The following GLIPR1L1 variants were observed in gnomAD, a reference collection of about 807,000 sequenced individuals.
GLIPR1L1 encodes the protein GLIPR1-like protein 1.
A neutral mutation model predicts 29.9 loss-of-function variants in GLIPR1L1; 26 were observed. The observed-to-expected ratio is 0.87, with a 90% CI of 0.64 to 1.21. GLIPR1L1 has a LOEUF of 1.21. Ranked by LOEUF, GLIPR1L1 falls within the 50% of genes most tolerant of loss-of-function variation. The pLI is 0.00. For synonymous variants in GLIPR1L1, 77 were observed against 97.5 expected (o/e 0.79, Z 1.24); for missense variants, 305 against 290.3 (o/e 1.05, Z -0.37).
At chr12:75,351,082 TGGAA>T (rs2042777642) in intron 3 of GLIPR1L1, among the ~76,000 whole-genome samples, 1 of 151,792 alleles carries the variant, frequency 6.6e-6, no homozygotes, top group Admixed American at 6.6e-5. Context: ...ACAGACCAAG[TGGAA>T]GAAAGGATAT....
At chr12:75,348,299 C>A (rs908439559) in intron 3 of GLIPR1L1, among the ~76,000 whole-genome samples, 2 of 151,840 alleles carry the variant, frequency 1.3e-5, no homozygotes, top group African/African-American at 4.8e-5. Context: ...TAAAAATAAG[C>A]AGTAGAAAAG....
intron 2 of GLIPR1L1, among the ~76,000 whole-genome samples, chr12:75,344,869 A>G (rs771758775): frequency 6.6e-6 from 1 of 152,112 alleles, no homozygotes; most frequent in Non-Finnish European, 1.5e-5. Flanking sequence ...ATCTCTCACT[A>G]CAGAGGCAAG....
At chr12:75,350,223 G>A (rs903189634) in intron 3 of GLIPR1L1, among the ~76,000 whole-genome samples, 1 of 152,224 alleles carries the variant, frequency 6.6e-6, no homozygotes, top group Non-Finnish European at 1.5e-5. Context: ...AGGGGTTTAT[G>A]GACAGATCTC....
At chr12:75,356,463 G>C (rs2043163422) in intron 3 of GLIPR1L1, among the ~76,000 whole-genome samples, 1 of 152,142 alleles carries the variant, frequency 6.6e-6, no homozygotes, top group Non-Finnish European at 1.5e-5. Flanking sequence ...CATGTGAAGT[G>C]CGATAATCTA....
chr12:75,367,106 T>C (rs987237122), intron 4 of GLIPR1L1: 18 of 689,510 alleles, frequency 2.6e-5, no homozygotes, highest in African/African-American at 1.2e-4. Context: ...GGAGAAAACG[T>C]AATGGAGAAG....
intron 3 of GLIPR1L1, among the ~76,000 whole-genome samples, chr12:75,359,052 T>C (rs2043365736): frequency 6.7e-6 from 1 of 150,350 alleles, no homozygotes; most frequent in Non-Finnish European, 1.5e-5. Flanking sequence ...TGCTACTGTA[T>C]AGAAAATCCA....
At position 75,363,144 on chromosome 12, in the gene GLIPR1L1, T is replaced by C; in HGVS notation, c.564T>C (p.Ser188=). The change falls in exon 4 of 6, where the codon TCT becomes TCC. Residue 188 remains serine, a synonymous_variant. Transcript: ENST00000378695. The part of the protein sequence containing the change: ...ANMPPYVRGE[S]CSLCSKEEKC... ...TGCCTCCTTACGTAAGAGGAGAATCTTGCTCTCTCTGCTCAAAAGAAGAGA... is the reference window on the plus strand; with the variant it reads ...TGCCTCCTTACGTAAGAGGAGAATCCTGCTCTCTCTGCTCAAAAGAAGAGA... 6.4e-7 allele frequency: 1 copy of C among 1,557,228 alleles called. No homozygotes were observed. Among genetic ancestry groups the C allele is most frequent in the Non-Finnish European group, 8.6e-7 (1 of 1,159,044 alleles).
intron 3 of GLIPR1L1, among the ~76,000 whole-genome samples, chr12:75,361,477 C>T (rs1242841262): frequency 2.0e-5 from 3 of 152,194 alleles, no homozygotes; most frequent in South Asian, 2.1e-4. Flanking sequence ...TGCCTCCTGC[C>T]ACTCTCAACA....
In GLIPR1L1 at chr12:75,370,165, A is replaced by G; in HGVS notation, c.718A>G (p.Arg240Gly). 6.5e-7 allele frequency: 1 copy of G among 1,533,982 alleles called. No homozygotes were observed. ...NPFSLGFLLL[R>G]IF Reference sequence around the variant, plus strand: ...ATTCAGCTTAGGTTTTCTTCTTCTGAGAATCTTTTAATGTCATTTATATAC... The same window carrying G: ...ATTCAGCTTAGGTTTTCTTCTTCTGGGAATCTTTTAATGTCATTTATATAC... Residue 240 changes from arginine (R) to glycine (G), a missense_variant, in exon 6 of 6, where the codon AGA becomes GGA. Physicochemically the swap from Arg to Gly is moderately radical, Grantham distance 125. Coordinates refer to ENST00000378695, the MANE Select transcript of GLIPR1L1 (RefSeq NM_001304964.2).
chr12:75,368,469 A>C (rs544099443), intron 4 of GLIPR1L1, among the ~76,000 whole-genome samples: 1 of 151,762 alleles, frequency 6.6e-6, no homozygotes, highest in South Asian at 2.1e-4. Context: ...ACACTGTAAA[A>C]TTTCGAAAGG....
rs569819089 is a variant in GLIPR1L1 at position 75,363,101 on chromosome 12, G to C, written c.522-1G>C. The stretch of plus-strand genomic sequence containing the variant: ...CTAATCAATGTTTCTCTTTTTTACA[G>C]AGGAAATTTTGCAAATATGCCTCCT... On this transcript the variant is annotated splice_acceptor_variant, in intron 3 of 5. Coordinates refer to ENST00000378695, the MANE Select transcript of GLIPR1L1 (RefSeq NM_001304964.2). LOFTEE classifies it high-confidence loss of function. 5 of 1,523,914 alleles carry C rather than the reference G, an allele frequency of 3.3e-6. No homozygotes were observed. In the South Asian group the frequency reaches 3.8e-5, roughly 12 times the overall value. 94.4% of individuals were successfully genotyped at this position (1,523,914 alleles called of 1,614,324 possible).
chr12:75,361,198 C>G (rs983224572), intron 3 of GLIPR1L1, among the ~76,000 whole-genome samples: 6 of 150,752 alleles, frequency 4.0e-5, no homozygotes, highest in South Asian at 4.2e-4. Context: ...TGTTGGTATG[C>G]CAAAAAAAAT....
intron 1 of GLIPR1L1, 117 bp downstream of exon 1, chr12:75,335,019 T>C (rs1359358447): frequency 1.0e-6 from 1 of 983,616 alleles, no homozygotes; most frequent in Middle Eastern, 3.3e-4. Context: ...TATATGCAGT[T>C]AAAAAGAAAA....
chr12:75,359,357 C>CTTTTTTTTTTGTTTT (rs2043399628), intron 3 of GLIPR1L1, among the ~76,000 whole-genome samples: 1 of 28,600 alleles, frequency 3.5e-5, no homozygotes, highest in Non-Finnish European at 6.6e-5. Flanking sequence ...GCATTGTTGT[C>CTTTTTTTTTTGTTTT]TTTTTTTTTT....
intron 3 of GLIPR1L1, among the ~76,000 whole-genome samples, chr12:75,351,383 A>T (rs970167267): frequency 1.3e-5 from 2 of 152,202 alleles, no homozygotes; most frequent in African/African-American, 2.4e-5. Flanking sequence ...ACACATAATC[A>T]TCAGATTCTC....
intron 2 of GLIPR1L1, 42 bp from the exon 3 acceptor site, chr12:75,347,580 A>C: frequency 7.8e-7 from 1 of 1,276,594 alleles, no homozygotes; most frequent in East Asian, 2.3e-5. Flanking sequence ...TTTGCATAGA[A>C]TTGTTTTCCA....
chr12:75,357,973 TA>T (rs1313204999), intron 3 of GLIPR1L1, among the ~76,000 whole-genome samples: 203 of 127,270 alleles, frequency 1.6e-3, no homozygotes, highest in Admixed American at 1.9e-3. Flanking sequence ...AAATCTAAAG[TA>T]AAAAAAAAAA....
At chr12:75,355,312 G>T (rs1593769890) in intron 3 of GLIPR1L1, among the ~76,000 whole-genome samples, 1 of 152,296 alleles carries the variant, frequency 6.6e-6, no homozygotes, top group East Asian at 1.9e-4. Context: ...ATGGGCAAAA[G>T]ACATGAACAG....
intron 4 of GLIPR1L1, among the ~76,000 whole-genome samples, chr12:75,364,479 T>C (rs763695735): frequency 6.6e-5 from 10 of 152,328 alleles, no homozygotes; most frequent in African/African-American, 1.2e-4. Context: ...GAACCCCTAT[T>C]GCCAAGGGAC....
Sources: allele counts gnomAD v4.1 joint callset (sites outside exome capture counted in the v4.1 genomes callset), GRCh38; gene constraint gnomAD v4.1.1; transcripts MANE v1.5; gene names NCBI Gene and HGNC (gene_info 2026-07-23, HGNC 2026-07-21).